The following MACF1 variants were observed in gnomAD, a reference collection of about 807,000 sequenced individuals.
MACF1 encodes microtubule-actin cross-linking factor 1.
MACF1 carries 193 observed loss-of-function variants against 854.8 expected under a neutral mutation model. That is an observed-to-expected ratio of 0.23 (90% CI 0.20 to 0.25). MACF1 has a LOEUF of 0.25. Among genes scored for constraint, MACF1 ranks in the 10% least tolerant of loss-of-function variants. The pLI, the probability that MACF1 is intolerant of heterozygous loss-of-function variation, is 1.00. For missense variants in MACF1, 7,722 were observed against 8,929.1 expected, an observed-to-expected ratio of 0.86 and a Z score of 5.45; for synonymous variants, 3,185 against 3,226.7, an observed-to-expected ratio of 0.99 and a Z score of 0.44.
In MACF1 at chr1:39,336,002, A is replaced by G; in HGVS notation, c.9414A>G (p.Gly3138=). 6.2e-7 allele frequency: 1 copy of G among 1,614,188 alleles called. No individual in the cohort carries two copies. Among genetic ancestry groups the G allele is most frequent in the Admixed American group, 1.7e-5 (1 of 60,026 alleles). Residue 3138 remains glycine (G), a synonymous_variant, in exon 37 of 101, where the codon GGA becomes GGG. Transcript: ENST00000564288. ...QISKTDKSFQ[G]TTRQETNYQD... ...CCAAAACAGACAAGTCTTTCCAAGG[A>G]ACCACCAGACAGGAGACCAACTATC...
intron 97 of MACF1, among the ~76,000 whole-genome samples, chr1:39,477,084 T>TATACACACAC (rs1557675079): frequency 8.6e-4 from 11 of 12,788 alleles, no homozygotes; most frequent in African/African-American, 2.5e-3. Flanking sequence ...TATATATATA[T>TATACACACAC]ATATATACAC....
At chr1:39,216,068 C>T (rs602798) in intron 1 of MACF1, among the ~76,000 whole-genome samples, 4 of 152,012 alleles carry the variant, frequency 2.6e-5, no homozygotes, top group East Asian at 1.9e-4. Context: ...CCTTTTTGGC[C>T]GTAGGTTTCC....
intron 87 of MACF1, 122 bp from the exon 88 acceptor site, chr1:39,453,585 G>C: frequency 1.3e-6 from 1 of 787,216 alleles, no homozygotes; most frequent in Non-Finnish European, 2.1e-6. Context: ...CAGGCTTTTA[G>C]AGGTCTGCGT....
intron 56 of MACF1, among the ~76,000 whole-genome samples, chr1:39,383,591 G>T (rs1650432378): frequency 1.3e-5 from 2 of 151,970 alleles, no homozygotes. Flanking sequence ...AATAAGAGTG[G>T]CATTGGCCGG....
At chr1:39,231,640 A>G (rs1274556665) in intron 2 of MACF1, among the ~76,000 whole-genome samples, 1 of 152,170 alleles carries the variant, frequency 6.6e-6, no homozygotes, top group Admixed American at 6.5e-5. Flanking sequence ...TGATTTTAAA[A>G]ATTCGAAGAA....
chr1:39,414,027 C>T (rs770076263), intron 58 of MACF1: 4 of 1,603,226 alleles, frequency 2.5e-6, no homozygotes, highest in Non-Finnish European at 2.6e-6. Context: ...TAGAGGAACC[C>T]ACCTCCTCAG....
intron 6 of MACF1, among the ~76,000 whole-genome samples, chr1:39,263,016 C>G (rs1645183736): frequency 7.5e-6 from 1 of 133,232 alleles, no homozygotes; most frequent in South Asian, 2.6e-4. Context: ...CATGGTATGT[C>G]TTTTGCTAGT....
At chr1:39,281,523 C>T (rs1421806121) in intron 6 of MACF1, among the ~76,000 whole-genome samples, 3 of 151,526 alleles carry the variant, frequency 2.0e-5, no homozygotes, top group Non-Finnish European at 2.9e-5. Context: ...TGGAGTCTCA[C>T]TCTGTCACTC....
At chr1:39,388,749 C>A (rs1641894891) in intron 58 of MACF1, 91 bp downstream of exon 58, 2 of 1,243,160 alleles carry the variant, frequency 1.6e-6, no homozygotes, top group Non-Finnish European at 2.2e-6. Flanking sequence ...TAACTTCTGT[C>A]CCTAGTTTTA....
In MACF1 at chr1:39,316,423, T is replaced by C. The variant is rs1458357260; in HGVS notation, c.3482T>C (p.Ile1161Thr). 2.5e-6 allele frequency: 4 copies of C among 1,613,932 alleles called. No homozygotes were observed. In the South Asian group the frequency reaches 4.4e-5, roughly 18 times the overall value. The part of the protein sequence containing the change: ...LKTVDVIVRS[I>T]QDAELLVKGY... ...ACAGTTGATGTTATAGTACGTAGCATACAGGATGCTGAACTCTTGGTCAAA... is the reference window on the plus strand; with the variant it reads ...ACAGTTGATGTTATAGTACGTAGCACACAGGATGCTGAACTCTTGGTCAAA... Residue 1161 changes from isoleucine to threonine, a missense_variant, in exon 28 of 101, where the codon ATA becomes ACA. Ile to Thr is a moderately conservative substitution (Grantham distance 89, BLOSUM62 -1). Transcript: ENST00000564288.
At position 39,484,659 on chromosome 1, in the gene MACF1, G is replaced by A. The variant is rs746790534; in HGVS notation, c.22340G>A (p.Arg7447Gln). The A allele has an allele frequency of 7.4e-6, 12 of 1,613,874 alleles. No homozygotes were observed. Among genetic ancestry groups the A allele is most frequent in the South Asian group, 3.3e-5 (3 of 91,062 alleles). The change falls in exon 100 of 101, where the codon CGG becomes CAG. Residue 7447 changes from arginine (R) to glutamine (Q), a missense_variant. Coordinates refer to ENST00000564288, the MANE Select transcript of MACF1 (RefSeq NM_001394062.1). ...KRPTPTFHSS[R>Q]TSLAGDTSNS... The stretch of plus-strand genomic sequence containing the variant: ...CCAACACCAACTTTTCATTCTAGTC[G>A]GACATCCCTTGCTGGTGATACCAGC...
intron 56 of MACF1, among the ~76,000 whole-genome samples, chr1:39,384,499 G>T (rs1375175353): frequency 6.6e-6 from 1 of 152,008 alleles, no homozygotes; most frequent in African/African-American, 2.4e-5. Flanking sequence ...CTTGCCTAAG[G>T]TCATACAGCT....
rs34930273 is a variant in MACF1 at position 39,307,901 on chromosome 1, C to CTTTTTTTTTTTTTTTTTTT, written c.2790-1666_2790-1648dup. On this transcript the variant is annotated intron_variant, in intron 23 of 100. Coordinates refer to ENST00000564288, the MANE Select transcript of MACF1 (RefSeq NM_001394062.1). ...TTATTTCTCTTTTCTTTCTTTCTTT[C>CTTTTTTTTTTTTTTTTTTT]TTTTTTTTTTTTTTTTTTTTTGAGA... 8.1e-4 allele frequency among the ~76,000 whole-genome samples: 41 copies of CTTTTTTTTTTTTTTTTTTT among 50,400 alleles called. 3 individuals carry two copies. The highest frequency in any genetic ancestry group is 3.4e-3 in the East Asian group (5 of 1,450). 33.1% of individuals were successfully genotyped at this position (50,400 alleles called of 152,430 possible). A position where few individuals can be genotyped will look rare whatever the true frequency, so the allele number is the denominator to read the frequency against.
At chr1:39,090,722 C>T (rs893570893) in intron 2 of MACF1, among the ~76,000 whole-genome samples, 1 of 152,224 alleles carries the variant, frequency 6.6e-6, no homozygotes, top group African/African-American at 2.4e-5. Flanking sequence ...ACTTTGGGGA[C>T]TGTGGAAGGC....
At chr1:39,337,757 G>A (rs1335750669) in intron 38 of MACF1, among the ~76,000 whole-genome samples, 1 of 147,476 alleles carries the variant, frequency 6.8e-6, no homozygotes, top group African/African-American at 2.5e-5. Context: ...TTTGTTTTTT[G>A]TGTTTTTTTG....
Position 39,435,818 on chromosome 1 carries a change from T to A in MACF1, c.17988+57T>A. The A allele has an allele frequency of 2.0e-6, 3 of 1,500,270 alleles. No homozygotes were observed. The South Asian group carries it at 3.5e-5, about 17-fold the overall frequency. The allele number at this position is 1,500,270 out of a possible 1,614,324, so 92.9% of individuals were successfully genotyped here. ...ATTGTCTACTGTTCTAAACAAGAGG[T>A]CTCTGTATCAGGTATGTCTCTGTGC... On this transcript the variant is annotated intron_variant, in intron 70 of 100. Coordinates refer to ENST00000564288, the MANE Select transcript of MACF1 (RefSeq NM_001394062.1).
chr1:39,249,890 T>C, intron 2 of MACF1, 124 bp from the exon 3 acceptor site: 1 of 542,880 alleles, frequency 1.8e-6, no homozygotes, highest in South Asian at 2.7e-5. Flanking sequence ...AATTTTATTA[T>C]TTAATTGTTG....
At chr1:39,425,608 A>G (rs1217220394) in intron 61 of MACF1, among the ~76,000 whole-genome samples, 3 of 152,196 alleles carry the variant, frequency 2.0e-5, no homozygotes, top group Non-Finnish European at 4.4e-5. Flanking sequence ...TTATAGCTGA[A>G]GTAAACTATA....
intron 23 of MACF1, among the ~76,000 whole-genome samples, chr1:39,309,251 A>C (rs970096050): frequency 7.3e-5 from 11 of 151,670 alleles, no homozygotes; most frequent in African/African-American, 1.9e-4. Context: ...CAATTAATTA[A>C]TGTAGTTTAG....
Sources: gnomAD v4.1 joint callset for allele counts (sites outside exome capture counted in the v4.1 genomes callset) on GRCh38, gnomAD v4.1.1 for gene constraint, MANE v1.5 for transcripts, NCBI Gene and HGNC (gene_info 2026-07-23, HGNC 2026-07-21) for gene names.